MTUS2: variants seen among roughly 807,000 people sequenced by gnomAD.
MTUS2 encodes the protein microtubule associated scaffold protein 2, also known as microtubule-associated tumor suppressor candidate 2.
Under a neutral mutation model 114.1 loss-of-function variants are expected in MTUS2, and 40 were observed. That is an observed-to-expected ratio of 0.35 (90% CI 0.27 to 0.46). MTUS2 has a LOEUF of 0.46. Among genes scored for constraint, MTUS2 ranks in the 20% least tolerant of loss-of-function variants. The pLI is 1.00. For missense variants in MTUS2, 1,679 were observed against 1,705.4 expected, an observed-to-expected ratio of 0.98 and a Z score of 0.27; for synonymous variants, 688 against 672.0, an observed-to-expected ratio of 1.02 and a Z score of -0.37.
chr13:29,404,649 C>T (rs995227086), intron 8 of MTUS2, among the ~76,000 whole-genome samples: 5 of 152,196 alleles, frequency 3.3e-5, no homozygotes, highest in Non-Finnish European at 7.3e-5. Context: ...GTCTCGTACT[C>T]ACACCTCTTC....
intron 4 of MTUS2, among the ~76,000 whole-genome samples, chr13:29,045,805 A>C: frequency 6.6e-6 from 1 of 152,146 alleles, no homozygotes. Flanking sequence ...CTAGGAGAGA[A>C]GCTTTCTGGG....
intron 2 of MTUS2, among the ~76,000 whole-genome samples, chr13:28,890,485 C>T (rs1878853992): frequency 1.3e-5 from 2 of 151,986 alleles, no homozygotes; most frequent in Admixed American, 1.3e-4. Context: ...TCCCTGGGTG[C>T]AAAATGGAGA....
At chr13:29,071,407 GA>G (rs1235091631) in intron 4 of MTUS2, among the ~76,000 whole-genome samples, 6 of 87,916 alleles carry the variant, frequency 6.8e-5, no homozygotes, top group Admixed American at 1.4e-4. Flanking sequence ...TATGTTGCTT[GA>G]ATTTTTTTTT....
At chr13:29,325,856 C>T (rs1317270062) in intron 7 of MTUS2, among the ~76,000 whole-genome samples, 1 of 152,122 alleles carries the variant, frequency 6.6e-6, no homozygotes, top group African/African-American at 2.4e-5. Flanking sequence ...ATTAATTTGC[C>T]CAAAGTCACA....
At chr13:28,952,205 G>A (rs1882844705) in intron 2 of MTUS2, among the ~76,000 whole-genome samples, 4 of 152,156 alleles carry the variant, frequency 2.6e-5, no homozygotes, top group Admixed American at 2.0e-4. Flanking sequence ...AGATACGTAG[G>A]TAAAATTAGT....
Position 29,195,802 on chromosome 13 carries a change from G to A in MTUS2, c.2645-85902G>A, listed in dbSNP as rs141059136. Among the ~76,000 whole-genome samples the A allele has an allele frequency of 2.2e-4, 34 of 152,254 alleles. No individual in the cohort carries two copies. The East Asian group carries it at 5.6e-3, about 25-fold the overall frequency. On this transcript the variant is annotated intron_variant, in intron 5 of 15. Coordinates refer to ENST00000612955, the MANE Select transcript of MTUS2 (RefSeq NM_001033602.4). ...ACACAGAAGCAAAAACCAGTGTGAT[G>A]TGTGCAAGAGACAAAAAGAAATTGG...
intron 10 of MTUS2, chr13:29,484,811 C>T (rs1272136172): frequency 6.6e-6 from 1 of 152,232 alleles, no homozygotes; most frequent in African/African-American, 2.4e-5. Context: ...TGCCAAAGCC[C>T]TAGATCATTG....
At chr13:28,992,012 A>G (rs924253684) in intron 2 of MTUS2, among the ~76,000 whole-genome samples, 22 of 152,214 alleles carry the variant, frequency 1.4e-4, no homozygotes, top group African/African-American at 4.3e-4. Flanking sequence ...AGCAGCCAGC[A>G]CAGAGCCTGC....
At chr13:29,272,318 T>C (rs1897909956) in intron 5 of MTUS2, among the ~76,000 whole-genome samples, 1 of 152,146 alleles carries the variant, frequency 6.6e-6, no homozygotes, top group South Asian at 2.1e-4. Context: ...AAAAAATCAG[T>C]GAAGAGAGTA....
At chr13:29,016,518 A>T (rs1166043852) in intron 2 of MTUS2, among the ~76,000 whole-genome samples, 2 of 152,142 alleles carry the variant, frequency 1.3e-5, no homozygotes, top group South Asian at 4.2e-4. Context: ...AAAAACCATT[A>T]CCCCCTTTCC....
intron 5 of MTUS2, among the ~76,000 whole-genome samples, chr13:29,193,583 G>A (rs1894537422): frequency 6.6e-6 from 1 of 152,154 alleles, no homozygotes; most frequent in Admixed American, 6.5e-5. Context: ...ACTGCTCAAT[G>A]AAATAAAAGA....
chr13:29,453,733 G>T (rs1351881650), intron 9 of MTUS2, among the ~76,000 whole-genome samples: 1 of 151,472 alleles, frequency 6.6e-6, no homozygotes, highest in Admixed American at 6.6e-5. Context: ...AAACAGTGAA[G>T]ACAGTTCTGT....
chr13:28,886,700 C>G (rs763607446), intron 2 of MTUS2, among the ~76,000 whole-genome samples: 9 of 152,228 alleles, frequency 5.9e-5, no homozygotes, highest in Non-Finnish European at 1.2e-4. Context: ...GTAAAATACT[C>G]TCCAGGAATG....
At chr13:28,870,825 A>G (rs926877022) in intron 2 of MTUS2, among the ~76,000 whole-genome samples, 3 of 152,194 alleles carry the variant, frequency 2.0e-5, no homozygotes, top group African/African-American at 2.4e-5. Context: ...CCTCCTCCCC[A>G]TGAATGACAC....
At chr13:29,485,131 TGCCATAG>T (rs1881500789) in intron 10 of MTUS2, 1 of 152,766 alleles carries the variant, frequency 6.5e-6, no homozygotes, top group Admixed American at 6.5e-5. Context: ...AGCCCGAGTT[TGCCATAG>T]GCCATAATGG....
intron 6 of MTUS2, among the ~76,000 whole-genome samples, chr13:29,292,868 A>T (rs1311821478): frequency 2.0e-5 from 3 of 152,160 alleles, no homozygotes; most frequent in Non-Finnish European, 2.9e-5. Flanking sequence ...AAGAAGAAAC[A>T]CACTCAAGGG....
chr13:29,100,871 CTGGCGGCATT>C lies in MTUS2; in HGVS notation c.2550_2559del (p.Ala851LeufsTer40). 6.4e-7 allele frequency: 1 copy of C among 1,558,766 alleles called. No individual in the cohort carries two copies. Among genetic ancestry groups the C allele is most frequent in the Non-Finnish European group, 8.7e-7 (1 of 1,150,972 alleles). ...ATACTCACGTCTCCCGGCAGCCAAA[CTGGCGGCATT>C]TGGCTTTGTCCGGAGCTCCAGCGTC... On this transcript the variant is annotated frameshift_variant, in exon 5 of 16. Transcript: ENST00000612955. LOFTEE classifies it high-confidence loss of function.
chr13:29,072,549 A>G (rs542841144), intron 4 of MTUS2, among the ~76,000 whole-genome samples: 67 of 152,314 alleles, frequency 4.4e-4, no homozygotes, highest in African/African-American at 1.5e-3. Flanking sequence ...TCATCATACT[A>G]CAGTTTTCTG....
intron 1 of MTUS2, among the ~76,000 whole-genome samples, chr13:28,831,899 G>A (rs1874709128): frequency 6.6e-6 from 1 of 151,956 alleles, no homozygotes; most frequent in African/African-American, 2.4e-5. Flanking sequence ...TGAGACTACA[G>A]GTGCATGCCA....
Sources: gnomAD v4.1 joint callset for allele counts (sites outside exome capture counted in the v4.1 genomes callset) on GRCh38, gnomAD v4.1.1 for gene constraint, MANE v1.5 for transcripts, NCBI Gene and HGNC (gene_info 2026-07-23, HGNC 2026-07-21) for gene names.